The following SRD5A2 variants were observed in gnomAD, a reference collection of about 807,000 sequenced individuals.
SRD5A2 encodes steroid 5 alpha-reductase 2.
SRD5A2 carries 30 observed loss-of-function variants against 27.4 expected under a neutral mutation model. The observed-to-expected ratio is 1.10, with a 90% CI of 0.82 to 1.49. The LOEUF (loss-of-function observed/expected upper bound fraction) is 1.49. Ranked by LOEUF, SRD5A2 falls within the 40% of genes most tolerant of loss-of-function variation. The probability of loss-of-function intolerance (pLI) is 0.00; values close to 1 mark genes in which losing one functional copy is unlikely to be tolerated. For missense variants in SRD5A2, 348 were observed against 323.4 expected (o/e 1.08, Z -0.58); for synonymous variants, 141 against 133.6 (o/e 1.06, Z -0.38).
At chr2:31,579,600 A>G (rs930405255) in intron 1 of SRD5A2, among the ~76,000 whole-genome samples, 4 of 152,208 alleles carry the variant, frequency 2.6e-5, no homozygotes, top group African/African-American at 9.7e-5. Context: ...CACCAGCTGT[A>G]TTGTCTTCTT....
intron 1 of SRD5A2, among the ~76,000 whole-genome samples, chr2:31,561,484 A>C (rs1666622735): frequency 6.6e-6 from 1 of 152,168 alleles, no homozygotes. Context: ...CTAATCTGGC[A>C]GATCCATTTA....
intron 1 of SRD5A2, among the ~76,000 whole-genome samples, chr2:31,577,590 T>C (rs912227713): frequency 6.6e-6 from 1 of 152,206 alleles, no homozygotes; most frequent in Non-Finnish European, 1.5e-5. Context: ...TGATGGGACA[T>C]ATTGCTGCTT....
At chr2:31,547,604 A>T (rs375505473) in intron 1 of SRD5A2, among the ~76,000 whole-genome samples, 24 of 152,346 alleles carry the variant, frequency 1.6e-4, no homozygotes, top group South Asian at 1.4e-3. Flanking sequence ...ATCATGAGAC[A>T]AGTTCAGATT....
chr2:31,537,317 C>A (rs1446599097), intron 1 of SRD5A2, among the ~76,000 whole-genome samples: 2 of 152,128 alleles, frequency 1.3e-5, no homozygotes, highest in South Asian at 4.2e-4. Context: ...TCCTTTATAG[C>A]AACTCCAGAG....
At chr2:31,577,873 T>G (rs1666991530) in intron 1 of SRD5A2, among the ~76,000 whole-genome samples, 1 of 152,148 alleles carries the variant, frequency 6.6e-6, no homozygotes, top group African/African-American at 2.4e-5. Context: ...GATCTAACCT[T>G]TGAAAAGAAT....
At chr2:31,638,625 T>C in the SRD5A2 span, among the ~76,000 whole-genome samples, 1 of 152,128 alleles carries the variant, frequency 6.6e-6, no homozygotes, top group African/African-American at 2.4e-5. Flanking sequence ...CATAGATATT[T>C]ACAATTGTTA....
At chr2:31,634,751 T>TGAAA in the SRD5A2 span, among the ~76,000 whole-genome samples, 1 of 152,158 alleles carries the variant, frequency 6.6e-6, no homozygotes, top group African/African-American at 2.4e-5. Context: ...GTTCTACTTT[T>TGAAA]TTAGCTCCCA....
At chr2:31,551,077 A>G (rs1278124396) in intron 1 of SRD5A2, among the ~76,000 whole-genome samples, 2 of 152,088 alleles carry the variant, frequency 1.3e-5, no homozygotes, top group African/African-American at 2.4e-5. Context: ...ATATGTTGAC[A>G]CTGAAATTTA....
upstream of SRD5A2, among the ~76,000 whole-genome samples, chr2:31,585,270 G>A (rs1225093013): frequency 6.6e-6 from 1 of 152,104 alleles, no homozygotes; most frequent in South Asian, 2.1e-4. Context: ...ACTGAACTAG[G>A]GCCAGAGACA....
At chr2:31,568,968 C>G (rs987323212) in intron 1 of SRD5A2, among the ~76,000 whole-genome samples, 8 of 152,230 alleles carry the variant, frequency 5.3e-5, no homozygotes, top group African/African-American at 1.7e-4. Flanking sequence ...TGGGAAGAGG[C>G]CAAGGAGCGG....
At chr2:31,651,806 G>C in the SRD5A2 span, 1 of 152,604 alleles carries the variant, frequency 6.6e-6, no homozygotes, top group African/African-American at 2.4e-5. Context: ...CATTGTGTTT[G>C]TACGATGAAC....
chr2:31,569,150 C>T (rs1338241620), intron 1 of SRD5A2, among the ~76,000 whole-genome samples: 2 of 152,242 alleles, frequency 1.3e-5, no homozygotes, highest in East Asian at 3.9e-4. Flanking sequence ...CCTGGCCGTG[C>T]CAGCTCTGTG....
chr2:31,652,424 C>T, the SRD5A2 span, among the ~76,000 whole-genome samples: 1 of 151,706 alleles, frequency 6.6e-6, no homozygotes. Context: ...AGCATATTTC[C>T]AGCTATATTT....
chr2:31,564,908 A>T (rs1393330336), intron 1 of SRD5A2, among the ~76,000 whole-genome samples: 1 of 152,026 alleles, frequency 6.6e-6, no homozygotes, highest in Non-Finnish European at 1.5e-5. Flanking sequence ...TCAAAAATGA[A>T]AAGCATCAAA....
At chr2:31,574,943 T>C (rs919650289) in intron 1 of SRD5A2, among the ~76,000 whole-genome samples, 6 of 152,216 alleles carry the variant, frequency 3.9e-5, no homozygotes, top group African/African-American at 1.2e-4. Context: ...TTTCCCGCTA[T>C]AACAGTAGGG....
chr2:31,600,349 G>C, the SRD5A2 span, among the ~76,000 whole-genome samples: 1 of 151,950 alleles, frequency 6.6e-6, no homozygotes, highest in African/African-American at 2.4e-5. Flanking sequence ...AATACACCTA[G>C]TAGTAATGAA....
At chr2:31,588,334 C>G in the SRD5A2 span, among the ~76,000 whole-genome samples, 23 of 152,052 alleles carry the variant, frequency 1.5e-4, no homozygotes, top group African/African-American at 5.1e-4. Flanking sequence ...ATTAAACTCC[C>G]AAAGATCAAG....
the SRD5A2 span, among the ~76,000 whole-genome samples, chr2:31,623,720 T>G: frequency 6.6e-6 from 1 of 152,254 alleles, no homozygotes; most frequent in Non-Finnish European, 1.5e-5. Flanking sequence ...GCCCATTTAG[T>G]ATGATGTTGG....
At chr2:31,593,425 G>T in the SRD5A2 span, among the ~76,000 whole-genome samples, 1 of 151,996 alleles carries the variant, frequency 6.6e-6, no homozygotes, top group Non-Finnish European at 1.5e-5. Flanking sequence ...ACTCAAACAA[G>T]TGGAAAAAAG....
Sources: gnomAD v4.1 joint callset for allele counts (sites outside exome capture counted in the v4.1 genomes callset) on GRCh38, gnomAD v4.1.1 for gene constraint, MANE v1.5 for transcripts, NCBI Gene and HGNC (gene_info 2026-07-23, HGNC 2026-07-21) for gene names.